POLE: variants seen among roughly 807,000 people sequenced by gnomAD.
POLE encodes DNA polymerase epsilon catalytic subunit A.
A neutral mutation model predicts 279.2 loss-of-function variants in POLE; 188 were observed. The observed-to-expected ratio is 0.67, with a 90% CI of 0.60 to 0.76. The LOEUF (loss-of-function observed/expected upper bound fraction) is 0.76. Among genes scored for constraint, POLE ranks in the 30% least tolerant of loss-of-function variants. POLE has a pLI of 0.00. For synonymous variants in POLE, 1,214 were observed against 1,172.5 expected, an observed-to-expected ratio of 1.04 and a Z score of -0.72; for missense variants, 2,703 against 3,016.7, an observed-to-expected ratio of 0.90 and a Z score of 2.44.
At position 132,635,967 on chromosome 12, in the gene POLE, T is replaced by C. The variant is rs369755963; in HGVS notation, c.5736A>G (p.Glu1912=). The C allele has an allele frequency of 9.9e-6, 16 of 1,613,804 alleles. No homozygotes were observed. Among genetic ancestry groups the C allele is most frequent in the Non-Finnish European group, 1.3e-5 (15 of 1,179,842 alleles). The part of the protein sequence containing the change: ...SLTISFSRCW[E]FLLWMDPSNY... ...TAGATGGATCCATCCAGAGAAGAAA[T>C]TCCCAGCATCGAGAGAAAGAAATTG... Residue 1912 remains glutamate (E), a synonymous_variant, in exon 42 of 49, where the codon GAA becomes GAG. Transcript: ENST00000320574.
rs1230327844 is a variant in POLE at position 132,624,593 on chromosome 12, G to A, written c.*104C>T. 1.3e-6 allele frequency: 1 copy of A among 778,302 alleles called. No individual in the cohort carries two copies. Among genetic ancestry groups the A allele is most frequent in the Non-Finnish European group, 2.4e-6 (1 of 425,338 alleles). The allele number at this position is 778,302 out of a possible 1,614,324, so 48.2% of individuals were successfully genotyped here. On this transcript the variant is annotated 3_prime_UTR_variant, in exon 49 of 49. Coordinates refer to ENST00000320574, the MANE Select transcript of POLE (RefSeq NM_006231.4). The stretch of plus-strand genomic sequence containing the variant: ...TCCCTGGCCTGGGGTCACAGGTTTG[G>A]ACAGTCAGGGTGGTCAGTGGTCTGG...
rs761405596 is a variant in POLE, at chr12:132,638,847, AAAC to A, written c.5552+275_5552+277del. On this transcript the variant is annotated intron_variant, in intron 40 of 48. Coordinates refer to ENST00000320574, the MANE Select transcript of POLE (RefSeq NM_006231.4). ...TCCTGACACAGGCATATTTTCACTA[AAAC>A]AACAAGGCACACAGCAATACAATGT... 9 of 414,920 alleles carry A rather than the reference AAAC, an allele frequency of 2.2e-5. 1 individual carries two copies. Among genetic ancestry groups the A allele is most frequent in the Admixed American group, 3.8e-5 (1 of 25,988 alleles). 25.7% of individuals were successfully genotyped at this position (414,920 alleles called of 1,614,324 possible). A position where few individuals can be genotyped will look rare whatever the true frequency, so the allele number is the denominator to read the frequency against.
In POLE at chr12:132,649,484, T is replaced by C. The variant is rs2042369770; in HGVS notation, c.3827A>G (p.Lys1276Arg). Reference protein sequence around the residue: ...EEWLVWLRFHKKKWQLQARQR... With the variant: ...EEWLVWLRFHRKKWQLQARQR... ...CCGGGCCTGCAGCTGCCACTTCTTCTTGTGGAACCGGAGCCAGACAAGCCA... is the reference window on the plus strand; with the variant it reads ...CCGGGCCTGCAGCTGCCACTTCTTCCTGTGGAACCGGAGCCAGACAAGCCA... Residue 1276 changes from lysine (K) to arginine (R), a missense_variant, in exon 31 of 49, where the codon AAG becomes AGG. By Grantham distance (26) the Lys-to-Arg change is conservative. Coordinates refer to ENST00000320574, the MANE Select transcript of POLE (RefSeq NM_006231.4). 6.2e-7 allele frequency: 1 copy of C among 1,612,538 alleles called. No individual in the cohort carries two copies.
chr12:132,673,655 C>T lies in POLE; in HGVS notation c.1279G>A (p.Ala427Thr), dbSNP rs2136000115. The T allele has an allele frequency of 6.2e-7, 1 of 1,613,964 alleles. No individual in the cohort carries two copies. The highest frequency in any genetic ancestry group is 8.5e-7 in the Non-Finnish European group (1 of 1,179,950). Reference sequence around the variant, plus strand: ...TCATAGCCTAGCTTGGCCTTGGCGGCCGCCTTGAGATTATGACTGCCCACA... The same window carrying T: ...TCATAGCCTAGCTTGGCCTTGGCGGTCGCCTTGAGATTATGACTGCCCACA... ...LPVGSHNLKA[A>T]AKAKLGYDPV... The change falls in exon 13 of 49, where the codon GCC (alanine) becomes ACC (threonine). Residue 427 changes from alanine to threonine, a missense_variant. This residue lies in a region of POLE where 1,011 missense variants were observed against 1,111.7 expected (regional missense o/e 0.91). Transcript: ENST00000320574.
At chr12:132,649,201 A>T in intron 31 of POLE, 105 bp downstream of exon 31, 1 of 1,489,104 alleles carries the variant, frequency 6.7e-7, no homozygotes, top group Non-Finnish European at 9.2e-7. Context: ...AGGAAACTCC[A>T]GGCCCACTCT....
intron 44 of POLE, 36 bp downstream of exon 44, chr12:132,632,628 C>T (rs1339999280): frequency 1.9e-6 from 3 of 1,613,134 alleles, no homozygotes. Context: ...GTCACTGGCA[C>T]ATGGCAGTGG....
Position 132,668,970 on chromosome 12 carries a change from G to A in POLE, c.1795-31C>T. On this transcript the variant is annotated intron_variant, in intron 16 of 48. Coordinates refer to ENST00000320574, the MANE Select transcript of POLE (RefSeq NM_006231.4). The surrounding 1 kb of genome is among the most constrained non-coding windows in gnomAD (Gnocchi z 4.0). ...GAGAAAGCGAAACTCAGTAGAGGCT[G>A]GTGACCAAGCTTGCCTCGTGTGCAG... is the stretch of plus-strand genomic sequence containing the variant. 6.2e-7 allele frequency: 1 copy of A among 1,605,582 alleles called. No homozygotes were observed. The highest frequency in any genetic ancestry group is 8.5e-7 in the Non-Finnish European group (1 of 1,173,734).
chr12:132,676,255 A>C, intron 9 of POLE, 51 bp from the exon 10 acceptor site: 1 of 1,273,908 alleles, frequency 7.8e-7, no homozygotes, highest in Non-Finnish European at 1.1e-6. Flanking sequence ...CAAAGCCAAG[A>C]AATGGCGTTC....
rs1064796567 is a variant in POLE, at chr12:132,687,322, G to A, written c.-7C>T. On this transcript the variant is annotated 5_prime_UTR_variant, in exon 1 of 49. It adds an upstream start codon to the 5' untranslated region. Transcript: ENST00000320574. ...CGCCGCTCCTCAGAGACATGGAGCCGTTGGCTACCACCTCTGCTTCAGGGG... is the reference window on the plus strand; with the variant it reads ...CGCCGCTCCTCAGAGACATGGAGCCATTGGCTACCACCTCTGCTTCAGGGG... 6.0e-6 allele frequency: 9 copies of A among 1,498,494 alleles called. No individual in the cohort carries two copies. Among genetic ancestry groups the A allele is most frequent in the African/African-American group, 1.4e-5 (1 of 69,880 alleles). 92.8% of individuals were successfully genotyped at this position (1,498,494 alleles called of 1,614,324 possible).
chr12:132,662,748 A>T (rs932248719), intron 23 of POLE, among the ~76,000 whole-genome samples: 3 of 152,186 alleles, frequency 2.0e-5, no homozygotes, highest in Non-Finnish European at 2.9e-5. Context: ...AACAAAGACC[A>T]GAAGAGGGCG....
chr12:132,681,411 TCGG>T, intron 1 of POLE, 132 bp from the exon 2 acceptor site: 1 of 858,316 alleles, frequency 1.2e-6, no homozygotes, highest in Non-Finnish European at 1.7e-6. Context: ...TGGTGTGATC[TCGG>T]CTCACTGCAA....
rs773742930 is a variant in POLE, at chr12:132,626,125, A to G, written c.6523T>C (p.Phe2175Leu). The G allele has an allele frequency of 6.3e-7, 1 of 1,600,000 alleles. No individual in the cohort carries two copies. ...CTGGAGCTCAGCCGCACCTCTGAGA[A>G]GGAAGAGTCTTTACACAGGTCCAGG... ...RDLDLCKDSS[F>L]SEDGAVLPQW... is the part of the protein sequence containing the mutation. The change falls in exon 46 of 49, where the codon TTC becomes CTC. Residue 2175 changes from phenylalanine to leucine, a missense_variant. This residue lies in a region of POLE where 1,551 missense variants were observed against 1,686.1 expected (regional missense o/e 0.92). Transcript: ENST00000320574.
At chr12:132,633,905 G>GAA in intron 43 of POLE, 1 of 359,602 alleles carries the variant, frequency 2.8e-6, no homozygotes. Context: ...GCAGAGCTAG[G>GAA]AAACTCCTCA....
intron 25 of POLE, chr12:132,660,705 T>C (rs2042658511): frequency 6.6e-6 from 2 of 303,024 alleles, no homozygotes; most frequent in East Asian, 1.0e-4. Flanking sequence ...TCCTCCCAAG[T>C]AGCTGGGACC....
In POLE at chr12:132,643,227, G is replaced by A. The variant is rs2138545856; in HGVS notation, c.4548C>T (p.Asp1516=). Residue 1516 remains aspartate (D), a synonymous_variant, in exon 35 of 49, where the codon GAC becomes GAT. Coordinates refer to ENST00000320574, the MANE Select transcript of POLE (RefSeq NM_006231.4). ...CCATGGAGGGCCCAGGACTCACAGT[G>A]TCCAGCACAAAGACGGATGCCCTGC... ...SQRRASVFVL[D]TVRSNQMPSL... 1 of 1,613,180 alleles carries A rather than the reference G, an allele frequency of 6.2e-7. No homozygotes were observed. Among genetic ancestry groups the A allele is most frequent in the South Asian group, 1.1e-5 (1 of 91,064 alleles).
chr12:132,671,077 A>G (rs1189694584), intron 16 of POLE, among the ~76,000 whole-genome samples: 1 of 151,638 alleles, frequency 6.6e-6, no homozygotes, highest in Non-Finnish European at 1.5e-5. Context: ...AGCCTGGCCA[A>G]CGTGGTGAAA....
At chr12:132,627,780 G>A (rs1397172515) in intron 45 of POLE, among the ~76,000 whole-genome samples, 1 of 152,234 alleles carries the variant, frequency 6.6e-6, no homozygotes, top group Non-Finnish European at 1.5e-5. Flanking sequence ...GTAAACGGCT[G>A]CTGACTGATC....
chr12:132,675,794 T>C lies in POLE; in HGVS notation c.1047A>G (p.Glu349=), dbSNP rs200661323. ...DEAHLIQRWF[E]HVQETKPTIM... is the part of the protein sequence containing the mutation. ...TGGTGGGTTTGGTCTCCTGGACGTG[T>C]TCAAACCACCTTTGGATCAGATGAG... The change falls in exon 11 of 49, where the codon GAA becomes GAG. Residue 349 remains glutamate, a synonymous_variant. Transcript: ENST00000320574. This position sits in a 1 kb window ranked among gnomAD's most constrained non-coding sequence, Gnocchi z 4.3. The C allele has an allele frequency of 1.9e-6, 3 of 1,614,136 alleles. No homozygotes were observed. Among genetic ancestry groups the C allele is most frequent in the East Asian group, 2.2e-5 (1 of 44,882 alleles).
intron 44 of POLE, 67 bp from the exon 45 acceptor site, chr12:132,632,575 G>C (rs2138462373): frequency 6.2e-7 from 1 of 1,607,154 alleles, no homozygotes; most frequent in South Asian, 1.1e-5. Context: ...TCCCACCTGG[G>C]GGACTGGCAC....
Sources: allele counts gnomAD v4.1 joint callset (sites outside exome capture counted in the v4.1 genomes callset), GRCh38; gene constraint gnomAD v4.1.1; regional missense constraint gnomAD v4.1.1; non-coding constraint Gnocchi (gnomAD v3.1); transcripts MANE v1.5; gene names NCBI Gene and HGNC (gene_info 2026-07-23, HGNC 2026-07-21).